VASH2: variants seen among roughly 807,000 people sequenced by gnomAD.
The protein encoded by VASH2 is vasohibin 2.
In VASH2, 28 loss-of-function variants were observed where a neutral mutation model predicts 37.2. The observed-to-expected ratio is 0.75, with a 90% CI of 0.56 to 1.03. The LOEUF (loss-of-function observed/expected upper bound fraction) is 1.03. VASH2 is among the 50% of genes least tolerant of loss of function. The pLI, the probability that VASH2 is intolerant of heterozygous loss-of-function variation, is 0.00. For missense variants in VASH2, 419 were observed against 459.1 expected, an observed-to-expected ratio of 0.91 and a Z score of 0.80; for synonymous variants, 188 against 174.7, an observed-to-expected ratio of 1.08 and a Z score of -0.60.
chr1:212,955,752 AAGACACGGGAGTGTTTGGTACTAG>A (rs1450242258), intron 2 of VASH2, among the ~76,000 whole-genome samples: 1 of 152,344 alleles, frequency 6.6e-6, no homozygotes, highest in East Asian at 1.9e-4. Context: ...CACCTGAGTG[AAGACACGGGAGTGTTTGGTACTAG>A]AGACCTGGCT....
chr1:212,978,784 G>A (rs527671113), intron 7 of VASH2, among the ~76,000 whole-genome samples: 25 of 152,024 alleles, frequency 1.6e-4, no homozygotes, highest in Non-Finnish European at 2.6e-4. Flanking sequence ...AGGTGCCCGT[G>A]GACAATTTTG....
At chr1:212,978,241 A>G (rs1357422300) in intron 7 of VASH2, among the ~76,000 whole-genome samples, 1 of 152,158 alleles carries the variant, frequency 6.6e-6, no homozygotes, top group Non-Finnish European at 1.5e-5. Flanking sequence ...CTACTTTTTC[A>G]TGCAGCCAAG....
chr1:212,973,067 C>A lies in VASH2; in HGVS notation c.879+106C>A. The A allele has an allele frequency of 4.1e-6, 6 of 1,447,696 alleles. No individual in the cohort carries two copies. In the South Asian group the frequency reaches 5.3e-5, roughly 13 times the overall value. The allele number at this position is 1,447,696 out of a possible 1,614,324, so 89.7% of individuals were successfully genotyped here. ...ATTTTTCTAGGATGGCCAAAAATTTCTTGAGGTTAAAGTCTCTCTTTGCAC... is the reference window on the plus strand; with the variant it reads ...ATTTTTCTAGGATGGCCAAAAATTTATTGAGGTTAAAGTCTCTCTTTGCAC... On this transcript the variant is annotated intron_variant, in intron 6 of 7. Coordinates refer to ENST00000517399, the MANE Select transcript of VASH2 (RefSeq NM_001301056.2).
chr1:212,982,471 T>C (rs1667366232), intron 7 of VASH2, among the ~76,000 whole-genome samples: 1 of 152,184 alleles, frequency 6.6e-6, no homozygotes, highest in African/African-American at 2.4e-5. Flanking sequence ...GGCTGAATCA[T>C]CATCCTAGTG....
chr1:212,976,925 C>T (rs1176068013), intron 7 of VASH2, among the ~76,000 whole-genome samples: 1 of 152,198 alleles, frequency 6.6e-6, no homozygotes, highest in Admixed American at 6.5e-5. Flanking sequence ...TCGACCCCAG[C>T]CCCACTGGGG....
intron 6 of VASH2, chr1:212,973,590 G>A (rs2102646434): frequency 2.4e-6 from 3 of 1,251,710 alleles, no homozygotes; most frequent in South Asian, 1.4e-5. Context: ...AGGAAGAACA[G>A]GCTGGTTTCT....
rs771662401 is a variant in VASH2, at chr1:212,961,227, C to T, written c.338C>T (p.Ala113Val). ...ATGACGATCCCAGACTGGCTCCAGG[C>T]GATCCAGAATTACATGAAGACCCTA... ...LSMTIPDWLQAIQNYMKTLQY... is the reference protein window; with the variant it reads ...LSMTIPDWLQVIQNYMKTLQY... The change falls in exon 3 of 8, where the codon GCG (alanine) becomes GTG (valine). Residue 113 changes from alanine (A) to valine (V), a missense_variant. This residue lies in a region of VASH2 where 158 missense variants were observed against 163.0 expected (regional missense o/e 0.97). Transcript: ENST00000517399. 93 of 1,614,076 alleles carry T rather than the reference C, an allele frequency of 5.8e-5. No individual in the cohort carries two copies. The highest frequency in any genetic ancestry group is 1.5e-4 in the South Asian group (14 of 91,092).
chr1:212,988,721 T>G lies in VASH2; in HGVS notation c.*137T>G. The G allele has an allele frequency of 1.1e-6, 1 of 949,418 alleles. No individual in the cohort carries two copies. The highest frequency in any genetic ancestry group is 1.6e-6 in the Non-Finnish European group (1 of 615,580). The allele number at this position is 949,418 out of a possible 1,614,324, so 58.8% of individuals were successfully genotyped here. A position where few individuals can be genotyped will look rare whatever the true frequency, so the allele number is the denominator to read the frequency against. The stretch of plus-strand genomic sequence containing the variant: ...TAAGGATTCACCTGGAAATAGAATC[T>G]GAGTGGGTGGTAACCATTAGCTTTA... On this transcript the variant is annotated 3_prime_UTR_variant, in exon 8 of 8. Coordinates refer to ENST00000517399, the MANE Select transcript of VASH2 (RefSeq NM_001301056.2).
intron 7 of VASH2, among the ~76,000 whole-genome samples, chr1:212,984,016 G>T (rs1283854332): frequency 6.6e-6 from 1 of 152,122 alleles, no homozygotes; most frequent in East Asian, 1.9e-4. Context: ...AACCCCGTGG[G>T]TTATGGTGAG....
intron 3 of VASH2, among the ~76,000 whole-genome samples, chr1:212,964,449 T>A (rs918990636): frequency 3.3e-5 from 5 of 152,170 alleles, no homozygotes; most frequent in African/African-American, 1.2e-4. Flanking sequence ...TAGGCTTTTG[T>A]TTGAGGCAGA....
At position 212,990,247 on chromosome 1, in the gene VASH2, AC is replaced by A. The variant is rs1035808965; in HGVS notation, c.*1665del. On this transcript the variant is annotated 3_prime_UTR_variant, in exon 8 of 8. Coordinates refer to ENST00000517399, the MANE Select transcript of VASH2 (RefSeq NM_001301056.2). The stretch of plus-strand genomic sequence containing the variant: ...GTCGAATGTCCTTTAGATGAACAAG[AC>A]CAAGTATACATCTCCATTAGATTAA... The A allele has an allele frequency of 6.6e-6, 1 of 152,204 alleles. No homozygotes were observed. The highest frequency in any genetic ancestry group is 1.5e-5 in the Non-Finnish European group (1 of 68,036). 9.4% of individuals were successfully genotyped at this position (152,204 alleles called of 1,614,324 possible). A position where few individuals can be genotyped will look rare whatever the true frequency, so the allele number is the denominator to read the frequency against.
chr1:212,968,193 G>T (rs1246268012), intron 5 of VASH2: 1 of 985,240 alleles, frequency 1.0e-6, no homozygotes, highest in Admixed American at 6.2e-5. Context: ...ATCTGCACTG[G>T]AAATGCGAAT....
Position 212,988,706 on chromosome 1 carries a change from C to T in VASH2, c.*122C>T. On this transcript the variant is annotated 3_prime_UTR_variant, in exon 8 of 8. Coordinates refer to ENST00000517399, the MANE Select transcript of VASH2 (RefSeq NM_001301056.2). ...TGTGAATTTTATTTTTAAGGATTCA[C>T]CTGGAAATAGAATCTGAGTGGGTGG... 2.8e-6 allele frequency: 3 copies of T among 1,075,804 alleles called. No individual in the cohort carries two copies. Among genetic ancestry groups the T allele is most frequent in the South Asian group, 1.4e-5 (1 of 71,834 alleles). The allele number at this position is 1,075,804 out of a possible 1,614,324, so 66.6% of individuals were successfully genotyped here.
chr1:212,953,758 C>T (rs920536627), intron 2 of VASH2, among the ~76,000 whole-genome samples: 2 of 152,092 alleles, frequency 1.3e-5, no homozygotes, highest in South Asian at 2.1e-4. Context: ...TGTTATGACC[C>T]GTGAGTCTCC....
intron 2 of VASH2, among the ~76,000 whole-genome samples, chr1:212,960,064 C>T (rs529228141): frequency 3.7e-4 from 57 of 152,298 alleles, no homozygotes; most frequent in Middle Eastern, 3.4e-3. Flanking sequence ...CAAAACCAAC[C>T]AAGAAAACCC....
At chr1:212,966,469 T>A in intron 5 of VASH2, 124 bp downstream of exon 5, 1 of 789,934 alleles carries the variant, frequency 1.3e-6, no homozygotes, top group South Asian at 1.6e-5. Context: ...GAGGAAAGTG[T>A]CAAACTCCTC....
At chr1:212,981,267 A>C (rs958045446) in intron 7 of VASH2, among the ~76,000 whole-genome samples, 2 of 152,180 alleles carry the variant, frequency 1.3e-5, no homozygotes, top group African/African-American at 2.4e-5. Flanking sequence ...CTGTTTACAT[A>C]GCAACATCAG....
intron 7 of VASH2, among the ~76,000 whole-genome samples, chr1:212,981,628 C>T (rs567849367): frequency 6.6e-6 from 1 of 152,172 alleles, no homozygotes; most frequent in African/African-American, 2.4e-5. Context: ...GCACTTTTCC[C>T]ACACTTCCCT....
intron 5 of VASH2, among the ~76,000 whole-genome samples, chr1:212,970,419 C>G (rs146161958): frequency 6.6e-6 from 1 of 152,230 alleles, no homozygotes; most frequent in African/African-American, 2.4e-5. Flanking sequence ...TCCAGTGTTA[C>G]TCTGCTGAGG....
Sources: gnomAD v4.1 joint callset for allele counts (sites outside exome capture counted in the v4.1 genomes callset) on GRCh38, gnomAD v4.1.1 for gene constraint, gnomAD v4.1.1 regional missense constraint, MANE v1.5 for transcripts, NCBI Gene and HGNC (gene_info 2026-07-23, HGNC 2026-07-21) for gene names.